CORIN: variants seen among roughly 807,000 people sequenced by gnomAD.
The protein encoded by CORIN is corin, serine peptidase.
In CORIN, 117 loss-of-function variants were observed where a neutral mutation model predicts 125.3. That is an observed-to-expected ratio of 0.93 (90% confidence interval 0.80 to 1.09). CORIN has a LOEUF of 1.09. Ranked by LOEUF, CORIN falls within the 50% of genes least tolerant of loss-of-function variation. The pLI is 0.00. For missense variants in CORIN, 1,253 were observed against 1,306.7 expected (o/e 0.96, Z 0.63); for synonymous variants, 450 against 466.4 (o/e 0.96, Z 0.45).
At chr4:47,621,485 A>G (rs1459505373) in intron 19 of CORIN, among the ~76,000 whole-genome samples, 5 of 152,194 alleles carry the variant, frequency 3.3e-5, no homozygotes, top group East Asian at 3.8e-4. Flanking sequence ...ATCTTCAGTG[A>G]GCATAATAAA....
chr4:47,757,894 A>ATATATAT (rs1285655168), intron 4 of CORIN, among the ~76,000 whole-genome samples: 24 of 144,924 alleles, frequency 1.7e-4, no homozygotes, highest in Non-Finnish European at 2.7e-4. Context: ...ATATATATAT[A>ATATATAT]TATATATATA....
At chr4:47,695,033 A>G (rs566764685) in intron 5 of CORIN, among the ~76,000 whole-genome samples, 18 of 152,334 alleles carry the variant, frequency 1.2e-4, no homozygotes, top group African/African-American at 4.3e-4. Context: ...TTTCAGTATC[A>G]ATACAAATTA....
intron 4 of CORIN, among the ~76,000 whole-genome samples, chr4:47,760,570 G>A (rs1729401513): frequency 6.6e-6 from 1 of 152,170 alleles, no homozygotes; most frequent in Non-Finnish European, 1.5e-5. Flanking sequence ...AGTATGAGTA[G>A]AGTAGATTTA....
chr4:47,657,403 C>T (rs1209135052), intron 12 of CORIN, among the ~76,000 whole-genome samples: 2 of 151,714 alleles, frequency 1.3e-5, no homozygotes, highest in African/African-American at 2.4e-5. Context: ...GGCATGATGG[C>T]GAGCACCTAT....
intron 5 of CORIN, among the ~76,000 whole-genome samples, chr4:47,738,501 C>T (rs1215712015): frequency 6.6e-6 from 1 of 152,196 alleles, no homozygotes; most frequent in African/African-American, 2.4e-5. Flanking sequence ...ACAAACTTAA[C>T]ATAATTTGTT....
chr4:47,713,082 T>A (rs901303196), intron 5 of CORIN, among the ~76,000 whole-genome samples: 3 of 152,064 alleles, frequency 2.0e-5, no homozygotes, highest in African/African-American at 7.2e-5. Flanking sequence ...TGAAAAAAAT[T>A]AGAAGAATAG....
chr4:47,790,485 T>C (rs547488405), intron 2 of CORIN, among the ~76,000 whole-genome samples: 1 of 152,296 alleles, frequency 6.6e-6, no homozygotes, highest in East Asian at 1.9e-4. Context: ...GCCCGATAAA[T>C]TCCAGTTTTC....
intron 19 of CORIN, among the ~76,000 whole-genome samples, chr4:47,619,914 C>G (rs1162982417): frequency 6.6e-6 from 1 of 152,200 alleles, no homozygotes; most frequent in Non-Finnish European, 1.5e-5. Context: ...CTGGCCCCTT[C>G]TAAAGCAATA....
rs1725101731 is a variant in CORIN, at chr4:47,677,924, T to C, written c.1249+14A>G. ...CCAGTAAAGGAATGTTCTGGGGTGG[T>C]GGGACACACTTACTGACGCTGCAGT... is the stretch of plus-strand genomic sequence containing the variant. On this transcript the variant is annotated intron_variant, in intron 9 of 21. Transcript: ENST00000273857. The C allele has an allele frequency of 1.3e-6, 2 of 1,567,100 alleles. No homozygotes were observed. The highest frequency in any genetic ancestry group is 8.8e-7 in the Non-Finnish European group (1 of 1,137,218).
Position 47,683,748 on chromosome 4 carries a change from C to T in CORIN, c.1004G>A (p.Ser335Asn). The change falls in exon 7 of 22, where the codon AGT (serine) becomes AAT (asparagine). Residue 335 changes from serine to asparagine, a missense_variant. Coordinates refer to ENST00000273857, the MANE Select transcript of CORIN (RefSeq NM_006587.4). ...CTACTTACCACAGTTTTGCTCATCACTCAAATCCCCACAGTCATCATATCC... is the reference window on the plus strand; with the variant it reads ...CTACTTACCACAGTTTTGCTCATCATTCAAATCCCCACAGTCATCATATCC... ...CDGYDDCGDL[S>N]DEQNCDCNPT... 1 of 1,613,060 alleles carries T rather than the reference C, an allele frequency of 6.2e-7. No homozygotes were observed. Among genetic ancestry groups the T allele is most frequent in the South Asian group, 1.1e-5 (1 of 90,940 alleles).
At chr4:47,639,525 T>C (rs1298271479) in intron 16 of CORIN, among the ~76,000 whole-genome samples, 1 of 152,258 alleles carries the variant, frequency 6.6e-6, no homozygotes, top group Non-Finnish European at 1.5e-5. Flanking sequence ...GAGTTGCTTT[T>C]TAAACTTCAA....
chr4:47,788,363 T>C (rs1391557951), intron 2 of CORIN, among the ~76,000 whole-genome samples: 1 of 152,206 alleles, frequency 6.6e-6, no homozygotes, highest in East Asian at 1.9e-4. Flanking sequence ...TGTTTCTAGC[T>C]AACTGAGATC....
At chr4:47,666,678 G>T (rs1724498256) in intron 10 of CORIN, among the ~76,000 whole-genome samples, 1 of 152,104 alleles carries the variant, frequency 6.6e-6, no homozygotes, top group Non-Finnish European at 1.5e-5. Flanking sequence ...TTATAAGAAG[G>T]AGAAGAGACT....
intron 6 of CORIN, among the ~76,000 whole-genome samples, chr4:47,691,135 C>T (rs1260862489): frequency 2.0e-5 from 3 of 152,148 alleles, no homozygotes; most frequent in African/African-American, 7.2e-5. Flanking sequence ...CAGCAGAAAG[C>T]ACTTACAGGG....
intron 1 of CORIN, among the ~76,000 whole-genome samples, chr4:47,817,646 G>A (rs1019638836): frequency 6.6e-6 from 1 of 152,284 alleles, no homozygotes; most frequent in East Asian, 1.9e-4. Context: ...TTCTAGTTTT[G>A]ACTATTTGTG....
intron 16 of CORIN, among the ~76,000 whole-genome samples, chr4:47,626,993 G>T (rs76641557): frequency 1.1e-3 from 141 of 126,082 alleles, no homozygotes; most frequent in East Asian, 3.2e-3. Context: ...TGTTGTTGTT[G>T]TTTTTTTTTT....
intron 3 of CORIN, among the ~76,000 whole-genome samples, chr4:47,764,303 C>T (rs1321994844): frequency 6.6e-6 from 1 of 152,170 alleles, no homozygotes; most frequent in African/African-American, 2.4e-5. Flanking sequence ...GAGCCTCTGA[C>T]ATTATCTTCT....
chr4:47,668,431 C>G (rs1724575780), intron 10 of CORIN, among the ~76,000 whole-genome samples: 1 of 152,240 alleles, frequency 6.6e-6, no homozygotes, highest in Non-Finnish European at 1.5e-5. Flanking sequence ...TTTGCCAAAG[C>G]AGAAGCATAC....
chr4:47,717,314 C>A (rs537525116), intron 5 of CORIN, among the ~76,000 whole-genome samples: 2 of 152,240 alleles, frequency 1.3e-5, no homozygotes, highest in African/African-American at 4.8e-5. Flanking sequence ...ACCAGGTCAC[C>A]CCTGCCCCCA....
Sources: gnomAD v4.1 joint callset for allele counts (sites outside exome capture counted in the v4.1 genomes callset) on GRCh38, gnomAD v4.1.1 for gene constraint, MANE v1.5 for transcripts, NCBI Gene and HGNC (gene_info 2026-07-23, HGNC 2026-07-21) for gene names.